MLIP: variants seen among roughly 807,000 people sequenced by gnomAD.
MLIP encodes the protein muscular LMNA-interacting protein.
Under a neutral mutation model 84.8 loss-of-function variants are expected in MLIP, and 79 were observed. That is an observed-to-expected ratio of 0.93 (90% confidence interval 0.78 to 1.12). The LOEUF is 1.12. Among genes scored for constraint, MLIP ranks in the 50% most tolerant of loss-of-function variants. The pLI is 0.00. For missense variants in MLIP, 1,257 were observed against 1,160.6 expected (o/e 1.08, Z -1.21); for synonymous variants, 504 against 463.0 (o/e 1.09, Z -1.14).
chr6:54,052,638 T>C (rs1385337541), intron 1 of MLIP, among the ~76,000 whole-genome samples: 1 of 152,222 alleles, frequency 6.6e-6, no homozygotes, highest in Non-Finnish European at 1.5e-5. Context: ...TTATAATAAT[T>C]AGTTTTAGCA....
At chr6:54,168,658 A>G (rs1396604145) in intron 8 of MLIP, among the ~76,000 whole-genome samples, 1 of 151,884 alleles carries the variant, frequency 6.6e-6, no homozygotes, top group African/African-American at 2.4e-5. Flanking sequence ...AATGAATCAA[A>G]TAGCTATTTC....
chr6:54,042,994 C>T (rs1764832678), intron 1 of MLIP, among the ~76,000 whole-genome samples: 1 of 152,138 alleles, frequency 6.6e-6, no homozygotes, highest in African/African-American at 2.4e-5. Context: ...AAGATTTAGA[C>T]ACAGTTGTGT....
intron 12 of MLIP, among the ~76,000 whole-genome samples, chr6:54,249,502 G>A (rs1029632724): frequency 7.9e-5 from 12 of 151,228 alleles, no homozygotes; most frequent in African/African-American, 2.4e-4. Context: ...TATTTCTATC[G>A]AGAGGAGCTT....
chr6:54,167,903 C>A (rs906268317), intron 8 of MLIP, among the ~76,000 whole-genome samples: 1 of 151,728 alleles, frequency 6.6e-6, no homozygotes, highest in African/African-American at 2.4e-5. Context: ...CTTTCTCTCT[C>A]TATACCTGTG....
intron 1 of MLIP, among the ~76,000 whole-genome samples, chr6:54,052,989 A>C (rs9474718): frequency 0.25 from 38,271 of 152,066 alleles, 6,542 homozygotes; most frequent in African/African-American, 0.48. Flanking sequence ...AAATGAATAA[A>C]AAATATGGTG....
chr6:54,230,517 G>A (rs994963943), intron 11 of MLIP, among the ~76,000 whole-genome samples, 197 bp from the exon 12 acceptor site: 1 of 152,122 alleles, frequency 6.6e-6, no homozygotes, highest in Non-Finnish European at 1.5e-5. Context: ...GCTGGAGGCA[G>A]GGAATGAAAG....
At chr6:54,153,393 C>G (rs951899200) in intron 5 of MLIP, among the ~76,000 whole-genome samples, 1 of 151,984 alleles carries the variant, frequency 6.6e-6, no homozygotes, top group Non-Finnish European at 1.5e-5. Context: ...ATTTGAAATT[C>G]TAGTCTCAAG....
intron 9 of MLIP, among the ~76,000 whole-genome samples, chr6:54,185,319 C>T (rs1562030687): frequency 6.6e-6 from 1 of 152,138 alleles, no homozygotes; most frequent in Non-Finnish European, 1.5e-5. Flanking sequence ...CATATCCACT[C>T]CACATTGTGG....
chr6:54,059,776 T>G (rs1765862694), intron 1 of MLIP, among the ~76,000 whole-genome samples: 1 of 114,856 alleles, frequency 8.7e-6, no homozygotes, highest in Non-Finnish European at 2.1e-5. Context: ...AATGGATATG[T>G]AAAGAGAAAA....
intron 1 of MLIP, among the ~76,000 whole-genome samples, chr6:54,027,767 C>T (rs1401918024): frequency 6.6e-6 from 1 of 152,128 alleles, no homozygotes; most frequent in African/African-American, 2.4e-5. Flanking sequence ...GCCATCCAGC[C>T]CTTTGAAAAC....
intron 11 of MLIP, among the ~76,000 whole-genome samples, chr6:54,220,035 A>C (rs1780118662): frequency 6.6e-6 from 1 of 152,216 alleles, no homozygotes; most frequent in South Asian, 2.1e-4. Flanking sequence ...AAGCAACAAG[A>C]AATAGCAGAG....
intron 13 of MLIP, among the ~76,000 whole-genome samples, chr6:54,258,368 A>G (rs1783158358): frequency 6.6e-6 from 1 of 152,134 alleles, no homozygotes; most frequent in South Asian, 2.1e-4. Context: ...AAGCTCTGTC[A>G]TAGTATAAGA....
At chr6:54,108,077 C>T (rs893890209), upstream of MLIP, among the ~76,000 whole-genome samples, 1 of 151,996 alleles carries the variant, frequency 6.6e-6, no homozygotes, top group Non-Finnish European at 1.5e-5. Flanking sequence ...CAGTAATATC[C>T]GTTTAGTAAT....
At chr6:54,127,810 T>C (rs144298591) in intron 3 of MLIP, among the ~76,000 whole-genome samples, 2 of 152,220 alleles carry the variant, frequency 1.3e-5, no homozygotes, top group African/African-American at 2.4e-5. Flanking sequence ...TTTCAAAGCA[T>C]GTCAAAAGTA....
chr6:54,208,688 A>G (rs938253953), intron 11 of MLIP, among the ~76,000 whole-genome samples: 1 of 152,202 alleles, frequency 6.6e-6, no homozygotes, highest in Non-Finnish European at 1.5e-5. Context: ...TTGAGACAAG[A>G]TTAGCCTGTG....
chr6:54,167,301 A>G (rs2150582769), intron 8 of MLIP, among the ~76,000 whole-genome samples: 1 of 141,372 alleles, frequency 7.1e-6, no homozygotes, highest in South Asian at 2.4e-4. Context: ...TACTTCTGTG[A>G]CTGGCTTTCT....
At chr6:54,059,441 T>G (rs1228387607) in intron 1 of MLIP, among the ~76,000 whole-genome samples, 1 of 152,228 alleles carries the variant, frequency 6.6e-6, no homozygotes, top group Non-Finnish European at 1.5e-5. Flanking sequence ...TTGTTGATAC[T>G]TCCTCTTTAT....
At chr6:54,263,636 A>G (rs1391849512) in intron 13 of MLIP, among the ~76,000 whole-genome samples, 1 of 152,056 alleles carries the variant, frequency 6.6e-6, no homozygotes, top group African/African-American at 2.4e-5. Context: ...CACACAGCAC[A>G]TTCTTTTAAA....
At chr6:54,125,315 T>A (rs567603959) in intron 3 of MLIP, among the ~76,000 whole-genome samples, 119 of 152,272 alleles carry the variant, frequency 7.8e-4, no homozygotes, top group African/African-American at 2.9e-3. Flanking sequence ...AGTAAAAGAC[T>A]AGTAAAAGGA....
Sources: allele counts gnomAD v4.1 joint callset (sites outside exome capture counted in the v4.1 genomes callset), GRCh38; gene constraint gnomAD v4.1.1; transcripts MANE v1.5; gene names NCBI Gene and HGNC (gene_info 2026-07-23, HGNC 2026-07-21).